Variants in DHX36 observed in about 807,000 individuals in gnomAD.
DHX36 encodes ATP-dependent DNA/RNA helicase DHX36.
Under a neutral mutation model 139.0 loss-of-function variants are expected in DHX36, and 50 were observed. The ratio of observed to expected loss-of-function variants is 0.36; its 90% CI spans 0.29 to 0.46. The LOEUF (loss-of-function observed/expected upper bound fraction) is 0.46, where lower values mean the gene tolerates loss of function less well. DHX36 is among the 20% of genes least tolerant of loss of function. The pLI is 1.00. For missense variants in DHX36, 1,024 were observed against 1,211.3 expected, an observed-to-expected ratio of 0.85 and a Z score of 2.29; for synonymous variants, 425 against 401.9, an observed-to-expected ratio of 1.06 and a Z score of -0.69.
chr3:154,309,586 G>C (rs1712651415), intron 5 of DHX36, 67 bp downstream of exon 5: 25 of 1,376,708 alleles, frequency 1.8e-5, no homozygotes, highest in Non-Finnish European at 2.3e-5. Flanking sequence ...CACACCTTCA[G>C]AATCAGTAGG....
rs1719033394 is a variant in DHX36 at position 154,272,705 on chromosome 3, A to T, written c.*3466T>A. ...GAGGATGTATTATTTTAAAATCAGA[A>T]CAAAAATCCCATTTAAAAGCAATTA... On this transcript the variant is annotated 3_prime_UTR_variant, in exon 25 of 25. Coordinates refer to ENST00000496811, the MANE Select transcript of DHX36 (RefSeq NM_020865.3). 1 of 152,028 alleles carries T rather than the reference A, an allele frequency of 6.6e-6. No homozygotes were observed. The highest frequency in any genetic ancestry group is 6.6e-5 in the Admixed American group (1 of 15,254). The allele number at this position is 152,028 out of a possible 1,614,324, so 9.4% of individuals were successfully genotyped here.
At chr3:154,302,872 G>GT (rs1712353911) in intron 9 of DHX36, among the ~76,000 whole-genome samples, 1 of 152,144 alleles carries the variant, frequency 6.6e-6, no homozygotes, top group African/African-American at 2.4e-5. Flanking sequence ...GAGGTCAGGA[G>GT]TTTGAGACCA....
Position 154,284,847 on chromosome 3 carries a change from A to G in DHX36, c.2172T>C (p.Ser724=). 1 of 1,613,984 alleles carries G rather than the reference A, an allele frequency of 6.2e-7. No homozygotes were observed. Among genetic ancestry groups the G allele is most frequent in the South Asian group, 1.1e-5 (1 of 90,994 alleles). The change falls in exon 18 of 25, where the codon AGT becomes AGC. Residue 724 remains serine (S), a synonymous_variant. Transcript: ENST00000496811. ...CLDPVLTIAA[S]LSFKDPFVIP... is the part of the protein sequence containing the mutation. ...TGACAAATGGATCTTTGAAACTGAG[A>G]CTAGCAGCAATAGTGAGTACTGGGT...
chr3:154,321,903 G>C (rs1220506722), intron 1 of DHX36, among the ~76,000 whole-genome samples: 1 of 148,600 alleles, frequency 6.7e-6, no homozygotes, highest in Non-Finnish European at 1.5e-5. Flanking sequence ...CTCCAGACTG[G>C]GCAACAGAGT....
At chr3:154,297,424 T>C (rs569905570) in intron 12 of DHX36, among the ~76,000 whole-genome samples, 3 of 152,206 alleles carry the variant, frequency 2.0e-5, no homozygotes, top group Non-Finnish European at 2.9e-5. Context: ...TAAGATTCTC[T>C]AGTTTTGGCT....
chr3:154,277,452 AT>A (rs1384264814), intron 23 of DHX36, 145 bp downstream of exon 23: 1 of 653,562 alleles, frequency 1.5e-6, no homozygotes, highest in Non-Finnish European at 2.4e-6. Context: ...AGAATAGGTT[AT>A]TTGTTAGAGG....
rs1711665855 is a variant in DHX36, at chr3:154,288,880, G to A, written c.2017C>T (p.His673Tyr). 5 of 1,560,534 alleles carry A rather than the reference G, an allele frequency of 3.2e-6. No homozygotes were observed. Among genetic ancestry groups the A allele is most frequent in the East Asian group, 2.3e-5 (1 of 43,138 alleles). ...SNEAVLLSIR[H>Y]LMELNALDKQ... is the part of the protein sequence containing the mutation. Reference sequence around the variant, plus strand: ...AACAAATTTACCAGCTCCATCAGGTGTCTTATGGAGAGTAACACTGCCTCA... The same window carrying A: ...AACAAATTTACCAGCTCCATCAGGTATCTTATGGAGAGTAACACTGCCTCA... Residue 673 changes from histidine to tyrosine, a missense_variant, in exon 17 of 25, where the codon CAC becomes TAC. Around this residue, in one of 4 missense-constraint regions of DHX36, gnomAD observed 470 missense variants for 616.2 expected, o/e 0.76. Transcript: ENST00000496811.
At chr3:154,302,103 G>A (rs952376350) in intron 9 of DHX36, among the ~76,000 whole-genome samples, 1 of 150,978 alleles carries the variant, frequency 6.6e-6, no homozygotes, top group Non-Finnish European at 1.5e-5. Flanking sequence ...AAAGCCTCAT[G>A]TATAGCACAA....
At chr3:154,311,990 T>C (rs982725517) in intron 3 of DHX36, 2 of 208,166 alleles carry the variant, frequency 9.6e-6, no homozygotes, top group African/African-American at 4.6e-5. Context: ...CAATATGTTT[T>C]ATATATTCAT....
At chr3:154,300,864 CTCGAATAAGAGACTCACAA>C (rs1294416632) in intron 10 of DHX36, 104 bp downstream of exon 10, 1 of 1,407,034 alleles carries the variant, frequency 7.1e-7, no homozygotes, top group Non-Finnish European at 9.8e-7. Flanking sequence ...CAATATTTAG[CTCGAATAAGAGACTCACAA>C]TGCTCTCCTT....
At chr3:154,303,504 A>G in intron 8 of DHX36, 94 bp from the exon 9 acceptor site, 1 of 891,656 alleles carries the variant, frequency 1.1e-6, no homozygotes, top group Non-Finnish European at 1.7e-6. Context: ...ATTACTTACT[A>G]TTAATTCCAG....
chr3:154,284,473 G>A (rs1268846262), intron 19 of DHX36, 110 bp downstream of exon 19: 9 of 942,448 alleles, frequency 9.5e-6, no homozygotes, highest in African/African-American at 3.4e-5. Context: ...GAGCCACCGC[G>A]CCCGGCCTTA....
At chr3:154,309,608 T>C (rs776564009) in intron 5 of DHX36, 45 bp downstream of exon 5, 18 of 1,523,672 alleles carry the variant, frequency 1.2e-5, no homozygotes, top group Non-Finnish European at 1.4e-5. Context: ...TCTAGCAAGA[T>C]TACTTTTAAA....
In DHX36 at chr3:154,301,127, C is replaced by A; in HGVS notation, c.1218G>T (p.Arg406Ser). 2 of 1,575,918 alleles carry A rather than the reference C, an allele frequency of 1.3e-6. No homozygotes were observed. The highest frequency in any genetic ancestry group is 1.7e-6 in the Non-Finnish European group (2 of 1,169,568). Reference sequence around the variant, plus strand: ...TGTGTTCTTTTTGTTCTGGAACATACCTAAAATAAAAACATTCTTGAATAT... The same window carrying A: ...TGTGTTCTTTTTGTTCTGGAACATAACTAAAATAAAAACATTCTTGAATAT... Reference protein sequence around the residue: ...YLLEDVIEKIRYVPEQKEHRS... With the variant: ...YLLEDVIEKISYVPEQKEHRS... The change falls in exon 10 of 25, where the codon AGG becomes AGT. Residue 406 changes from arginine (R) to serine (S), a missense_variant and splice_region_variant. Arg to Ser is a moderately radical substitution (Grantham distance 110). Coordinates refer to ENST00000496811, the MANE Select transcript of DHX36 (RefSeq NM_020865.3).
rs1185888771 is a variant in DHX36, at chr3:154,280,844, C to T, written c.2395G>A (p.Gly799Arg). 1.2e-6 allele frequency: 2 copies of T among 1,613,296 alleles called. No individual in the cohort carries two copies. Among genetic ancestry groups the T allele is most frequent in the Non-Finnish European group, 8.5e-7 (1 of 1,179,718 alleles). ...CCAAGAAGATGCTCAGCAAACTGTC[C>T]TTTCATGTTATGCAGCATCTAGGGA... ...NTLQMLHNMK[G>R]QFAEHLLGAG... is the part of the protein sequence containing the mutation. Residue 799 changes from glycine (G) to arginine (R), a missense_variant, in exon 21 of 25, where the codon GGA becomes AGA. Around this residue, in one of 4 missense-constraint regions of DHX36, gnomAD observed 470 missense variants for 616.2 expected, o/e 0.76. Transcript: ENST00000496811.
At chr3:154,290,496 C>T (rs1435607310) in intron 15 of DHX36, among the ~76,000 whole-genome samples, 1 of 151,784 alleles carries the variant, frequency 6.6e-6, no homozygotes, top group African/African-American at 2.4e-5. Context: ...AAAAAATTAG[C>T]TGGGTGTGGT....
chr3:154,292,726 AACACACACACACAC>A (rs58416816), intron 14 of DHX36, 32 bp from the exon 15 acceptor site: 42 of 1,517,244 alleles, frequency 2.8e-5, no homozygotes, highest in Middle Eastern at 3.5e-4. Flanking sequence ...AAAATGTTAA[AACACACACACACAC>A]ACACACACAC....
chr3:154,306,215 C>T lies in DHX36; in HGVS notation c.893+1G>A. 1.2e-6 allele frequency: 2 copies of T among 1,610,486 alleles called. No individual in the cohort carries two copies. Among genetic ancestry groups the T allele is most frequent in the South Asian group, 1.1e-5 (1 of 90,962 alleles). ...GTATATAAGAAGTGAACATTTCTTA[C>T]CTCTGGAGACGAATTTGATATCCAG... On this transcript the variant is annotated splice_donor_variant, in intron 6 of 24. Coordinates refer to ENST00000496811, the MANE Select transcript of DHX36 (RefSeq NM_020865.3). LOFTEE classifies it high-confidence loss of function.
chr3:154,288,797 T>C (rs1398098395), intron 17 of DHX36, 69 bp downstream of exon 17: 5 of 886,564 alleles, frequency 5.6e-6, no homozygotes, highest in Non-Finnish European at 8.2e-6. Context: ...AGAGTAAACA[T>C]TATAATTAAC....
Sources: gnomAD v4.1 joint callset for allele counts (sites outside exome capture counted in the v4.1 genomes callset) on GRCh38, gnomAD v4.1.1 for gene constraint, gnomAD v4.1.1 regional missense constraint, MANE v1.5 for transcripts, NCBI Gene and HGNC (gene_info 2026-07-23, HGNC 2026-07-21) for gene names.